The following DYNC2H1 variants were observed in gnomAD, a reference collection of about 807,000 sequenced individuals.
DYNC2H1 encodes dynein cytoplasmic 2 heavy chain 1, also known as cytoplasmic dynein 2 heavy chain 1.
A neutral mutation model predicts 570.0 loss-of-function variants in DYNC2H1; 410 were observed. The ratio of observed to expected loss-of-function variants is 0.72; its 90% CI spans 0.66 to 0.78. The LOEUF (loss-of-function observed/expected upper bound fraction) is 0.78. Among genes scored for constraint, DYNC2H1 ranks in the 30% least tolerant of loss-of-function variants. DYNC2H1 has a pLI of 0.00. For synonymous variants in DYNC2H1, 1,688 were observed against 1,677.6 expected (o/e 1.01, Z -0.15); for missense variants, 4,865 against 5,046.4 (o/e 0.96, Z 1.09).
chr11:103,400,192 C>T (rs537562220), intron 84 of DYNC2H1, among the ~76,000 whole-genome samples: 1 of 152,258 alleles, frequency 6.6e-6, no homozygotes, highest in South Asian at 2.1e-4. Context: ...ATATTCCAAG[C>T]TCCAAGTCCA....
At chr11:103,229,749 G>T (rs909043191) in intron 59 of DYNC2H1, among the ~76,000 whole-genome samples, 6 of 151,830 alleles carry the variant, frequency 4.0e-5, no homozygotes, top group Non-Finnish European at 8.8e-5. Context: ...AGTTCTTCAG[G>T]TTTCTAGAAC....
At chr11:103,166,592 A>G (rs762118537) in intron 31 of DYNC2H1, among the ~76,000 whole-genome samples, 6 of 152,160 alleles carry the variant, frequency 3.9e-5, no homozygotes, top group Non-Finnish European at 7.4e-5. Flanking sequence ...AGAATTTTTC[A>G]CTGGCTATCC....
chr11:103,318,852 A>G (rs1340412160), intron 80 of DYNC2H1, among the ~76,000 whole-genome samples: 2 of 152,156 alleles, frequency 1.3e-5, no homozygotes, highest in Non-Finnish European at 2.9e-5. Context: ...CATTATCAGT[A>G]TTTTAGAAGT....
At chr11:103,340,469 ATTC>A (rs1367767445) in intron 82 of DYNC2H1, among the ~76,000 whole-genome samples, 1 of 152,146 alleles carries the variant, frequency 6.6e-6, no homozygotes, top group African/African-American at 2.4e-5. Context: ...ATCCTCAGTA[ATTC>A]TTCACAGCAG....
chr11:103,143,281 T>C lies in DYNC2H1; in HGVS notation c.2588T>C (p.Ile863Thr), dbSNP rs1186477054. The C allele has an allele frequency of 1.9e-6, 3 of 1,613,268 alleles. No homozygotes were observed. Among genetic ancestry groups the C allele is most frequent in the African/African-American group, 1.3e-5 (1 of 74,910 alleles). Residue 863 changes from isoleucine (I) to threonine (T), a missense_variant, in exon 18 of 89, where the codon ATT becomes ACT. Coordinates refer to ENST00000375735, the MANE Select transcript of DYNC2H1 (RefSeq NM_001377.3). ...VLHQHKEWIV[I>T]GQVDMEALVE... ...TTCTTTAAATAGGAATGGATTGTAATTGGGCAAGTTGATATGGAAGCTCTG... is the reference window on the plus strand; with the variant it reads ...TTCTTTAAATAGGAATGGATTGTAACTGGGCAAGTTGATATGGAAGCTCTG...
At chr11:103,366,836 A>G (rs1195608043) in intron 83 of DYNC2H1, among the ~76,000 whole-genome samples, 1 of 152,176 alleles carries the variant, frequency 6.6e-6, no homozygotes, top group Non-Finnish European at 1.5e-5. Flanking sequence ...AATATTAGGA[A>G]TGAAATTGCT....
rs1861850669 is a variant in DYNC2H1 at position 103,181,591 on chromosome 11, A to C, written c.6348-166A>C. ...TGTATGTATACACACACACAGATGT[A>C]ATTGTATTATTCACACATACTCATA... On this transcript the variant is annotated intron_variant, in intron 39 of 88. Coordinates refer to ENST00000375735, the MANE Select transcript of DYNC2H1 (RefSeq NM_001377.3). This position sits in a 1 kb window ranked among gnomAD's most constrained non-coding sequence, Gnocchi z 5.0. Among the ~76,000 whole-genome samples, 2 of 151,692 alleles carry C rather than the reference A, an allele frequency of 1.3e-5. No homozygotes were observed.
chr11:103,135,967 T>G lies in DYNC2H1; in HGVS notation c.2574+19T>G. ...ACATAAGGTATAGAACATGTAATGT[T>G]CCATCCTTCCATCATAAAATTATTT... is the stretch of plus-strand genomic sequence containing the variant. On this transcript the variant is annotated intron_variant, in intron 17 of 88. Coordinates refer to ENST00000375735, the MANE Select transcript of DYNC2H1 (RefSeq NM_001377.3). 1 of 1,501,448 alleles carries G rather than the reference T, an allele frequency of 6.7e-7. No homozygotes were observed. The highest frequency in any genetic ancestry group is 2.2e-5 in the Admixed American group (1 of 46,074). The allele number at this position is 1,501,448 out of a possible 1,614,324, so 93.0% of individuals were successfully genotyped here. A position where few individuals can be genotyped will look rare whatever the true frequency, so the allele number is the denominator to read the frequency against.
intron 84 of DYNC2H1, among the ~76,000 whole-genome samples, chr11:103,426,542 A>C (rs1943678868): frequency 1.3e-5 from 2 of 152,224 alleles, no homozygotes; most frequent in African/African-American, 4.8e-5. Flanking sequence ...TACCCTATAC[A>C]AGTTTAAATA....
At position 103,129,126 on chromosome 11, in the gene DYNC2H1, G is replaced by T; in HGVS notation, c.1953+121G>T. 2 of 746,142 alleles carry T rather than the reference G, an allele frequency of 2.7e-6. No homozygotes were observed. The highest frequency in any genetic ancestry group is 3.4e-5 in the Admixed American group (1 of 29,378). 46.2% of individuals were successfully genotyped at this position (746,142 alleles called of 1,614,324 possible). The stretch of plus-strand genomic sequence containing the variant: ...GATCTAGATTTTGTTTTGCTTCCAG[G>T]GACTTCCTTCAATCTTAGCAAGTAA... On this transcript the variant is annotated intron_variant, in intron 13 of 88. Transcript: ENST00000375735. This position sits in a 1 kb window ranked among gnomAD's most constrained non-coding sequence, Gnocchi z 4.1.
chr11:103,447,361 A>G (rs1355981825), intron 85 of DYNC2H1, among the ~76,000 whole-genome samples: 1 of 139,836 alleles, frequency 7.2e-6, no homozygotes, highest in East Asian at 2.1e-4. Context: ...CTATTAACTT[A>G]ATAAAGTTAA....
chr11:103,401,300 T>C (rs1942631841), intron 84 of DYNC2H1, among the ~76,000 whole-genome samples: 1 of 152,182 alleles, frequency 6.6e-6, no homozygotes, highest in South Asian at 2.1e-4. Context: ...TGAGAGTATA[T>C]TTCTTTATCC....
At chr11:103,194,842 C>T (rs901270400) in intron 47 of DYNC2H1, among the ~76,000 whole-genome samples, 2 of 152,070 alleles carry the variant, frequency 1.3e-5, no homozygotes, top group African/African-American at 2.4e-5. Context: ...CTCAGCCTCC[C>T]GAGTAGCTGG....
intron 68 of DYNC2H1, 34 bp from the exon 69 acceptor site, chr11:103,257,574 C>T: frequency 6.4e-7 from 1 of 1,574,486 alleles, no homozygotes; most frequent in South Asian, 1.2e-5. Flanking sequence ...TAAGGTGTTT[C>T]CACCCTATCC....
chr11:103,278,373 T>C (rs1865992631), intron 70 of DYNC2H1, among the ~76,000 whole-genome samples: 3 of 152,172 alleles, frequency 2.0e-5, no homozygotes, highest in African/African-American at 7.2e-5. Context: ...GTGCTTCAGA[T>C]ACATTATCTA....
At chr11:103,279,665 T>C (rs1866054367) in intron 70 of DYNC2H1, among the ~76,000 whole-genome samples, 1 of 152,016 alleles carries the variant, frequency 6.6e-6, no homozygotes, top group South Asian at 2.1e-4. Flanking sequence ...TCTATGTGAT[T>C]GGTGTCTTTT....
In DYNC2H1 at chr11:103,170,974, A is replaced by C. The variant is rs1428163899; in HGVS notation, c.5240A>C (p.Glu1747Ala). 1 of 1,609,972 alleles carries C rather than the reference A, an allele frequency of 6.2e-7. No individual in the cohort carries two copies. The highest frequency in any genetic ancestry group is 8.5e-7 in the Non-Finnish European group (1 of 1,177,478). The change falls in exon 34 of 89, where the codon GAA (glutamate) becomes GCA (alanine). Residue 1747 changes from glutamate (E) to alanine (A), a missense_variant. By Grantham distance (107) the Glu-to-Ala change is moderately radical (BLOSUM62 -1). Transcript: ENST00000375735. The surrounding 1 kb of genome is among the most constrained non-coding windows in gnomAD (Gnocchi z 4.8). ...WGCFDEFNRL[E>A]ESVLSAVSMQ... ...TGTTTTGATGAATTTAATAGGCTGGAAGAATCTGTACTGTCAGCAGTTTCT... is the reference window on the plus strand; with the variant it reads ...TGTTTTGATGAATTTAATAGGCTGGCAGAATCTGTACTGTCAGCAGTTTCT...
rs925183510 is a variant in DYNC2H1 at position 103,211,777 on chromosome 11, A to G, written c.8540-12A>G. 1.1e-5 allele frequency: 12 copies of G among 1,136,628 alleles called. No homozygotes were observed. Among genetic ancestry groups the G allele is most frequent in the South Asian group, 2.0e-5 (1 of 51,226 alleles). The allele number at this position is 1,136,628 out of a possible 1,614,324, so 70.4% of individuals were successfully genotyped here. On this transcript the variant is annotated splice_polypyrimidine_tract_variant and intron_variant, in intron 53 of 88. Coordinates refer to ENST00000375735, the MANE Select transcript of DYNC2H1 (RefSeq NM_001377.3). ...ATATAATAAGTTATTTTTATTTTCTATTTTTTTCTAGTTGATCCTGATTTT... is the reference window on the plus strand; with the variant it reads ...ATATAATAAGTTATTTTTATTTTCTGTTTTTTTCTAGTTGATCCTGATTTT...
At chr11:103,412,337 C>A (rs1025843179) in intron 84 of DYNC2H1, among the ~76,000 whole-genome samples, 1 of 151,990 alleles carries the variant, frequency 6.6e-6, no homozygotes, top group Admixed American at 6.6e-5. Context: ...TCTGCTAAAA[C>A]TTTTTTAAAT....
Sources: gnomAD v4.1 joint callset for allele counts (sites outside exome capture counted in the v4.1 genomes callset) on GRCh38, gnomAD v4.1.1 for gene constraint, Gnocchi (gnomAD v3.1) non-coding constraint, MANE v1.5 for transcripts, NCBI Gene and HGNC (gene_info 2026-07-23, HGNC 2026-07-21) for gene names.